Variants in RAP1GAP2 observed in about 807,000 individuals in gnomAD.
RAP1GAP2 encodes RAP1 GTPase activating protein 2, also known as rap1 GTPase-activating protein 2.
A neutral mutation model predicts 95.0 loss-of-function variants in RAP1GAP2; 27 were observed. The observed-to-expected ratio is 0.28, with a 90% CI of 0.21 to 0.39. RAP1GAP2 has a LOEUF of 0.39. Ranked by LOEUF, RAP1GAP2 falls within the 10% of genes least tolerant of loss-of-function variation. The pLI, the probability that RAP1GAP2 is intolerant of heterozygous loss-of-function variation, is 1.00. For synonymous variants in RAP1GAP2, 373 were observed against 380.9 expected, an observed-to-expected ratio of 0.98 and a Z score of 0.24; for missense variants, 771 against 970.0, an observed-to-expected ratio of 0.79 and a Z score of 2.72.
Position 2,871,978 on chromosome 17 carries a change from C to G in RAP1GAP2, c.81-33306C>G, listed in dbSNP as rs2072865150. On this transcript the variant is annotated intron_variant, in intron 2 of 24. Coordinates refer to ENST00000254695, the MANE Select transcript of RAP1GAP2 (RefSeq NM_015085.5). This position sits in a 1 kb window ranked among gnomAD's most constrained non-coding sequence, Gnocchi z 5.0. Reference sequence around the variant, plus strand: ...GTGGCTCACGCCTGGAATCTCAGCGCTTTTGGAGGCTGAGGTGGGTGAATC... The same window carrying G: ...GTGGCTCACGCCTGGAATCTCAGCGGTTTTGGAGGCTGAGGTGGGTGAATC... Among the ~76,000 whole-genome samples, 1 of 152,006 alleles carries G rather than the reference C, an allele frequency of 6.6e-6. No homozygotes were observed. The highest frequency in any genetic ancestry group is 1.5e-5 in the Non-Finnish European group (1 of 67,982).
chr17:2,906,464 G>A lies in RAP1GAP2; in HGVS notation c.165+1096G>A, dbSNP rs1024015086. On this transcript the variant is annotated intron_variant, in intron 3 of 24. Transcript: ENST00000254695. The surrounding 1 kb of genome is among the most constrained non-coding windows in gnomAD (Gnocchi z 4.3). Reference sequence around the variant, plus strand: ...GCCCTGGGTGGGTTAAGTGGTCAGCGGTGGGCGGGGGGGCAGGACAGGGTG... The same window carrying A: ...GCCCTGGGTGGGTTAAGTGGTCAGCAGTGGGCGGGGGGGCAGGACAGGGTG... Among the ~76,000 whole-genome samples, 8 of 152,074 alleles carry A rather than the reference G, an allele frequency of 5.3e-5. No homozygotes were observed. Among genetic ancestry groups the A allele is most frequent in the East Asian group, 1.9e-4 (1 of 5,176 alleles).
upstream of RAP1GAP2, among the ~76,000 whole-genome samples, chr17:2,792,594 GCCCCTGGATC>G (rs1445683897): frequency 6.6e-6 from 1 of 152,180 alleles, no homozygotes; most frequent in Non-Finnish European, 1.5e-5. Flanking sequence ...GGACGTGTGG[GCCCCTGGATC>G]CTCCTGGTTT....
chr17:2,883,064 G>C (rs1459225692), intron 2 of RAP1GAP2, among the ~76,000 whole-genome samples: 5 of 152,244 alleles, frequency 3.3e-5, no homozygotes, highest in Non-Finnish European at 7.3e-5. Flanking sequence ...GGTTGTCTTG[G>C]TCGGGGTTAT....
chr17:3,001,520 G>A (rs1466513813), intron 14 of RAP1GAP2, among the ~76,000 whole-genome samples: 4 of 94,780 alleles, frequency 4.2e-5, no homozygotes, highest in African/African-American at 1.8e-4. Flanking sequence ...TCCTGATGCC[G>A]GAGAAGGGAC....
intron 3 of RAP1GAP2, among the ~76,000 whole-genome samples, chr17:2,909,611 G>A (rs1055111068): frequency 1.3e-5 from 2 of 152,252 alleles, no homozygotes; most frequent in Non-Finnish European, 2.9e-5. Context: ...CCCATGACAG[G>A]CTGTCGGGAG....
chr17:2,836,271 GA>G (rs979107661), intron 2 of RAP1GAP2, among the ~76,000 whole-genome samples: 72 of 139,940 alleles, frequency 5.1e-4, no homozygotes, highest in African/African-American at 1.4e-3. Context: ...ACTGGCTTAA[GA>G]AAAAAAAAAA....
chr17:2,881,889 C>G (rs994033859), intron 2 of RAP1GAP2, among the ~76,000 whole-genome samples: 1 of 152,158 alleles, frequency 6.6e-6, no homozygotes, highest in East Asian at 1.9e-4. Flanking sequence ...GGCGCAATCT[C>G]GGCTCACTGC....
At chr17:2,758,182 T>TC (rs2071183726) in intron 1 of RAP1GAP2, among the ~76,000 whole-genome samples, 1 of 70,578 alleles carries the variant, frequency 1.4e-5, no homozygotes, top group Non-Finnish European at 2.7e-5. Context: ...CCCCCCCCCC[T>TC]TTTTTTTTTT....
intron 3 of RAP1GAP2, among the ~76,000 whole-genome samples, chr17:2,954,258 C>G (rs1414063512): frequency 6.6e-6 from 1 of 151,996 alleles, no homozygotes; most frequent in Admixed American, 6.5e-5. Context: ...GCGCCCGCCA[C>G]CATGCCCAGC....
At chr17:2,760,631 G>A (rs1184227313) in intron 1 of RAP1GAP2, among the ~76,000 whole-genome samples, 2 of 151,280 alleles carry the variant, frequency 1.3e-5, no homozygotes, top group Non-Finnish European at 1.5e-5. Context: ...GTGAGCCACC[G>A]CGCCTGGCCA....
chr17:2,944,442 G>A (rs190357579), intron 3 of RAP1GAP2, among the ~76,000 whole-genome samples: 20 of 152,310 alleles, frequency 1.3e-4, no homozygotes, highest in Admixed American at 1.2e-3. Flanking sequence ...AACACAGTTG[G>A]CCATAGATGT....
chr17:2,882,419 G>T (rs957140178), intron 2 of RAP1GAP2, among the ~76,000 whole-genome samples: 3 of 151,768 alleles, frequency 2.0e-5, no homozygotes, highest in African/African-American at 7.3e-5. Flanking sequence ...GGCCTCCCAA[G>T]TAGCTGGGGT....
chr17:2,903,405 C>A lies in RAP1GAP2; in HGVS notation c.81-1879C>A, dbSNP rs570786930. Among the ~76,000 whole-genome samples, 1 of 152,146 alleles carries A rather than the reference C, an allele frequency of 6.6e-6. No individual in the cohort carries two copies. Among genetic ancestry groups the A allele is most frequent in the Non-Finnish European group, 1.5e-5 (1 of 68,028 alleles). ...TCTGGCAGAGCAGCCAGACTGGAGC[C>A]TACGGTGGTAATGTCCAAGGCCGTA... is the stretch of plus-strand genomic sequence containing the variant. On this transcript the variant is annotated intron_variant, in intron 2 of 24. Coordinates refer to ENST00000254695, the MANE Select transcript of RAP1GAP2 (RefSeq NM_015085.5). The surrounding 1 kb of genome is among the most constrained non-coding windows in gnomAD (Gnocchi z 4.1).
intron 8 of RAP1GAP2, among the ~76,000 whole-genome samples, chr17:2,977,653 G>A (rs553634483): frequency 3.8e-4 from 57 of 150,836 alleles, no homozygotes; most frequent in Non-Finnish European, 7.1e-4. Flanking sequence ...GCTGAGGCAG[G>A]AGAATTGCTT....
At position 2,825,895 on chromosome 17, in the gene RAP1GAP2, A is replaced by G. The variant is rs1187387063; in HGVS notation, c.80+25345A>G. The stretch of plus-strand genomic sequence containing the variant: ...GGTGGAATGAGGGAAGGCTTCTTGA[A>G]GGAGGCGGCGCTGGAAGGTTGAAAA... On this transcript the variant is annotated intron_variant, in intron 2 of 24. Transcript: ENST00000254695. The surrounding 1 kb of genome is among the most constrained non-coding windows in gnomAD (Gnocchi z 4.1). 2.6e-5 allele frequency among the ~76,000 whole-genome samples: 4 copies of G among 152,022 alleles called. No individual in the cohort carries two copies. Among genetic ancestry groups the G allele is most frequent in the Non-Finnish European group, 5.9e-5 (4 of 68,016 alleles).
intron 19 of RAP1GAP2, among the ~76,000 whole-genome samples, chr17:3,023,941 T>C (rs189652038): frequency 1.3e-5 from 2 of 152,286 alleles, no homozygotes; most frequent in Admixed American, 1.3e-4. Flanking sequence ...TTGCTGAGGA[T>C]GATGGTTTTC....
intron 3 of RAP1GAP2, among the ~76,000 whole-genome samples, chr17:2,911,952 G>C (rs921256301): frequency 6.6e-6 from 1 of 152,166 alleles, no homozygotes; most frequent in African/African-American, 2.4e-5. Context: ...GGTGGCCCTT[G>C]CTCAGCCTTC....
At position 2,982,200 on chromosome 17, in the gene RAP1GAP2, C is replaced by T. The variant is rs1356825235; in HGVS notation, c.729+952C>T. ...TGTCACCCAGGCTGGAGTGCAGTGGCGTGATCTTGGCTCACTGCAACCTGC... is the reference window on the plus strand; with the variant it reads ...TGTCACCCAGGCTGGAGTGCAGTGGTGTGATCTTGGCTCACTGCAACCTGC... On this transcript the variant is annotated intron_variant, in intron 10 of 24. Transcript: ENST00000254695. Among the ~76,000 whole-genome samples, 5 of 152,150 alleles carry T rather than the reference C, an allele frequency of 3.3e-5. No individual in the cohort carries two copies. In the East Asian group the frequency reaches 5.8e-4, roughly 18 times the overall value.
chr17:2,802,684 CAA>C (rs930082535), intron 2 of RAP1GAP2, among the ~76,000 whole-genome samples: 5 of 151,952 alleles, frequency 3.3e-5, no homozygotes, highest in Admixed American at 1.3e-4. Flanking sequence ...GCCTGGGAGA[CAA>C]GAGTGAAATG....
Sources: allele counts gnomAD v4.1 joint callset (sites outside exome capture counted in the v4.1 genomes callset), GRCh38; gene constraint gnomAD v4.1.1; non-coding constraint Gnocchi (gnomAD v3.1); transcripts MANE v1.5; gene names NCBI Gene and HGNC (gene_info 2026-07-23, HGNC 2026-07-21).